Variants in PCDH11X observed in about 807,000 individuals in gnomAD.
The protein encoded by PCDH11X is protocadherin 11 X-linked.
PCDH11X carries 18 observed loss-of-function variants against 53.3 expected under a neutral mutation model. The observed-to-expected ratio is 0.34, with a 90% CI of 0.23 to 0.50. The LOEUF (loss-of-function observed/expected upper bound fraction) is 0.50. Among genes scored for constraint, PCDH11X ranks in the 20% least tolerant of loss-of-function variants. PCDH11X has a pLI of 0.98. For synonymous variants in PCDH11X, 279 were observed against 393.3 expected (o/e 0.71, Z 3.44); for missense variants, 570 against 1,032.4 (o/e 0.55, Z 6.14).
chrX:92,320,433 T>TCA (rs1367221400), intron 8 of PCDH11X, among the ~76,000 whole-genome samples: 2 of 109,613 alleles, frequency 1.8e-5, no homozygotes, highest in East Asian at 2.9e-4. Context: ...TCTCTCTCTG[T>TCA]CACACACACA....
intron 6 of PCDH11X, among the ~76,000 whole-genome samples, chrX:91,949,813 T>C (rs1490028028): frequency 9.2e-6 from 1 of 109,020 alleles, no homozygotes; most frequent in Non-Finnish European, 1.9e-5. Context: ...TAATTGGTAC[T>C]ATAAAATTTC....
chrX:91,905,889 T>C (rs1167436028), intron 6 of PCDH11X, among the ~76,000 whole-genome samples: 2 of 111,451 alleles, frequency 1.8e-5, no homozygotes, highest in African/African-American at 3.3e-5. Flanking sequence ...TATTGTGACG[T>C]TTCCTGCATA....
intron 8 of PCDH11X, among the ~76,000 whole-genome samples, chrX:92,327,152 C>T (rs374431070): frequency 9.2e-6 from 1 of 109,274 alleles, no homozygotes; most frequent in Non-Finnish European, 1.9e-5. Flanking sequence ...AGCCCTGGAA[C>T]GTTTTGAATA....
intron 6 of PCDH11X, among the ~76,000 whole-genome samples, chrX:91,934,317 G>T (rs1244149552): frequency 4.5e-5 from 5 of 111,104 alleles, no homozygotes. Context: ...TTTAGGCTTG[G>T]GTTGGAATAG....
intron 1 of PCDH11X, among the ~76,000 whole-genome samples, chrX:91,794,859 T>C (rs1935678716): frequency 9.1e-6 from 1 of 110,284 alleles, no homozygotes; most frequent in African/African-American, 3.3e-5. Context: ...TTGGGGATGA[T>C]TGAATCATAG....
rs1266424354 is a variant in PCDH11X at position 92,011,446 on chromosome X, A to T, written c.3033+132173A>T. On this transcript the variant is annotated intron_variant, in intron 6 of 10. Transcript: ENST00000682573. ...GTCACTATTTTTATCCAAGTGCCCC[A>T]GTTTCATAGCATATCACTTAATTCA... Among the ~76,000 whole-genome samples the T allele has an allele frequency of 2.7e-5, 3 of 112,129 alleles. No individual in the cohort carries two copies. In the Admixed American group the frequency reaches 2.8e-4, roughly 11 times the overall value.
chrX:92,376,223 G>T (rs1051792036), intron 8 of PCDH11X, among the ~76,000 whole-genome samples: 2 of 111,773 alleles, frequency 1.8e-5, no homozygotes, highest in South Asian at 7.4e-4. Context: ...CAATTGCGGG[G>T]TGAGCAACTG....
At chrX:91,812,996 T>C (rs1936339033) in intron 4 of PCDH11X, among the ~76,000 whole-genome samples, 1 of 111,717 alleles carries the variant, frequency 9.0e-6, no homozygotes, top group Non-Finnish European at 1.9e-5. Context: ...CCACATTTTA[T>C]AGACCTGTTA....
intron 8 of PCDH11X, among the ~76,000 whole-genome samples, chrX:92,335,020 A>G (rs755554036): frequency 9.1e-6 from 1 of 109,774 alleles, no homozygotes; most frequent in African/African-American, 3.3e-5. Flanking sequence ...TTCAAGGGTC[A>G]ACTGTATATT....
chrX:91,991,404 A>G (rs1302689059), intron 6 of PCDH11X, among the ~76,000 whole-genome samples: 4 of 73,364 alleles, frequency 5.5e-5, no homozygotes, highest in African/African-American at 2.4e-4. Context: ...TGGCTTTTCC[A>G]GTACCCAGTC....
At chrX:92,389,984 T>G (rs2071090855) in intron 9 of PCDH11X, among the ~76,000 whole-genome samples, 1 of 110,339 alleles carries the variant, frequency 9.1e-6, no homozygotes, top group African/African-American at 3.3e-5. Flanking sequence ...AAAACTTTAG[T>G]TGCTCAATCG....
At chrX:92,279,835 G>A (rs1233206423) in intron 8 of PCDH11X, among the ~76,000 whole-genome samples, 1 of 111,836 alleles carries the variant, frequency 8.9e-6, no homozygotes, top group East Asian at 2.8e-4. Flanking sequence ...TATAGATTTA[G>A]GATAACAAAT....
At chrX:92,498,761 T>C in intron 10 of PCDH11X, among the ~76,000 whole-genome samples, 1 of 107,183 alleles carries the variant, frequency 9.3e-6, no homozygotes, top group South Asian at 4.1e-4. Flanking sequence ...AAAGCAAAGA[T>C]CACACTCATA....
chrX:92,287,481 A>G (rs1379116856), intron 8 of PCDH11X, among the ~76,000 whole-genome samples: 4 of 110,887 alleles, frequency 3.6e-5, no homozygotes, highest in Non-Finnish European at 1.9e-5. Flanking sequence ...CACCTCTCCC[A>G]GAATACTTCT....
intron 6 of PCDH11X, among the ~76,000 whole-genome samples, chrX:91,970,181 G>C (rs189988734): frequency 4.5e-5 from 5 of 110,802 alleles, no homozygotes; most frequent in Non-Finnish European, 7.6e-5. Flanking sequence ...AAGGCAGTGC[G>C]GACCCAAAAA....
intron 10 of PCDH11X, among the ~76,000 whole-genome samples, chrX:92,597,206 A>C (rs1422590385): frequency 9.0e-6 from 1 of 111,297 alleles, no homozygotes; most frequent in Non-Finnish European, 1.9e-5. Flanking sequence ...AAATACATAA[A>C]GTACATTTAA....
At chrX:92,527,700 T>G (rs2074481170) in intron 10 of PCDH11X, among the ~76,000 whole-genome samples, 1 of 111,543 alleles carries the variant, frequency 9.0e-6, no homozygotes, top group Non-Finnish European at 1.9e-5. Flanking sequence ...GAGCAACGCA[T>G]AAAATATATT....
At chrX:92,070,651 C>A (rs1034078143) in intron 6 of PCDH11X, among the ~76,000 whole-genome samples, 8 of 111,289 alleles carry the variant, frequency 7.2e-5, no homozygotes, top group Non-Finnish European at 1.5e-4. Flanking sequence ...TGATCTCCTT[C>A]AGGTTAAATC....
chrX:92,502,363 A>C (rs1184406105), intron 10 of PCDH11X, among the ~76,000 whole-genome samples: 1 of 110,257 alleles, frequency 9.1e-6, no homozygotes, highest in African/African-American at 3.3e-5. Flanking sequence ...GAATTAAAAA[A>C]AAAAACTATT....
Sources: allele counts gnomAD v4.1 joint callset (sites outside exome capture counted in the v4.1 genomes callset), GRCh38; gene constraint gnomAD v4.1.1; transcripts MANE v1.5; gene names NCBI Gene and HGNC (gene_info 2026-07-23, HGNC 2026-07-21).